GPR107: variants seen among roughly 807,000 people sequenced by gnomAD.
GPR107 encodes the protein protein GPR107.
GPR107 carries 31 observed loss-of-function variants against 75.5 expected under a neutral mutation model. The ratio of observed to expected loss-of-function variants is 0.41; its 90% confidence interval spans 0.31 to 0.55. GPR107 has a LOEUF of 0.55. GPR107 is among the 20% of genes least tolerant of loss of function. The probability of loss-of-function intolerance (pLI) is 0.26; values close to 1 mark genes in which losing one functional copy is unlikely to be tolerated. For synonymous variants in GPR107, 267 were observed against 251.3 expected, an observed-to-expected ratio of 1.06 and a Z score of -0.59; for missense variants, 572 against 665.7, an observed-to-expected ratio of 0.86 and a Z score of 1.55.
intron 14 of GPR107, among the ~76,000 whole-genome samples, chr9:130,111,095 G>A (rs941476549): frequency 7.2e-5 from 11 of 151,968 alleles, no homozygotes; most frequent in East Asian, 1.9e-4. Context: ...TCAAGCCATC[G>A]TCCTGCCTCA....
At chr9:130,131,037 T>C (rs1277311272) in intron 17 of GPR107, among the ~76,000 whole-genome samples, 3 of 152,180 alleles carry the variant, frequency 2.0e-5, no homozygotes, top group African/African-American at 7.2e-5. Context: ...ACTGTTTAGA[T>C]GTCAAGGAAA....
intron 14 of GPR107, among the ~76,000 whole-genome samples, chr9:130,121,922 G>A (rs1407017676): frequency 1.3e-5 from 2 of 151,100 alleles, no homozygotes; most frequent in African/African-American, 2.4e-5. Flanking sequence ...GTGGAGTCTC[G>A]CTCTGTCACC....
intron 1 of GPR107, among the ~76,000 whole-genome samples, chr9:130,058,043 A>G (rs1829835962): frequency 1.3e-5 from 2 of 151,962 alleles, no homozygotes; most frequent in Non-Finnish European, 2.9e-5. Context: ...TGATCAGGCT[A>G]GTCTTGAACT....
intron 15 of GPR107, among the ~76,000 whole-genome samples, chr9:130,125,665 G>A (rs1384486848): frequency 1.4e-5 from 2 of 141,116 alleles, no homozygotes; most frequent in East Asian, 2.1e-4. Context: ...GCAGTAGTGC[G>A]ATCCCGGCCA....
chr9:130,121,731 G>T (rs1589527643), intron 14 of GPR107, among the ~76,000 whole-genome samples: 1 of 152,134 alleles, frequency 6.6e-6, no homozygotes, highest in Non-Finnish European at 1.5e-5. Flanking sequence ...CCCTGGTCTG[G>T]CTTGGGAGCC....
At position 130,086,313 on chromosome 9, in the gene GPR107, C is replaced by A. The variant is rs1469214979; in HGVS notation, c.565-107C>A. On this transcript the variant is annotated intron_variant, in intron 6 of 17. Coordinates refer to ENST00000347136, the MANE Select transcript of GPR107 (RefSeq NM_020960.5). ...TTCAGAGAGCTTTTTTGAAGGTCAG[C>A]AAATTTAGAGTTTAAGAAACATGTT... 1.1e-4 allele frequency: 74 copies of A among 700,164 alleles called. No individual in the cohort carries two copies. In the East Asian group the frequency reaches 1.8e-3, roughly 17 times the overall value. The allele number at this position is 700,164 out of a possible 1,614,324, so 43.4% of individuals were successfully genotyped here.
At chr9:130,061,092 GT>G (rs1554889744) in intron 1 of GPR107, among the ~76,000 whole-genome samples, 4 of 152,152 alleles carry the variant, frequency 2.6e-5, no homozygotes, top group Non-Finnish European at 5.9e-5. Flanking sequence ...CATGCCTTCT[GT>G]CTCTTACTCA....
chr9:130,115,926 A>G (rs1165599515), intron 14 of GPR107, among the ~76,000 whole-genome samples: 1 of 152,260 alleles, frequency 6.6e-6, no homozygotes, highest in East Asian at 1.9e-4. Context: ...TATTAAGCTG[A>G]TTTAATACAG....
chr9:130,076,801 C>T (rs1211798978), intron 3 of GPR107, among the ~76,000 whole-genome samples: 1 of 152,142 alleles, frequency 6.6e-6, no homozygotes, highest in Non-Finnish European at 1.5e-5. Context: ...GCGTGAGCAC[C>T]ACGCCTGGCC....
In GPR107 at chr9:130,112,047, C is replaced by T. The variant is rs1180633872; in HGVS notation, c.1306+4508C>T. On this transcript the variant is annotated intron_variant, in intron 14 of 17. Coordinates refer to ENST00000347136, the MANE Select transcript of GPR107 (RefSeq NM_020960.5). This position sits in a 1 kb window ranked among gnomAD's most constrained non-coding sequence, Gnocchi z 4.0. The stretch of plus-strand genomic sequence containing the variant: ...TGAGCCCGCATCCGCGTTCCCTTCT[C>T]TTTCTCCAGTGTCATTACCTTATAG... Among the ~76,000 whole-genome samples, 1 of 152,240 alleles carries T rather than the reference C, an allele frequency of 6.6e-6. No individual in the cohort carries two copies. The highest frequency in any genetic ancestry group is 1.5e-5 in the Non-Finnish European group (1 of 68,040).
intron 4 of GPR107, among the ~76,000 whole-genome samples, chr9:130,078,844 C>G (rs1830421613): frequency 1.3e-5 from 2 of 152,186 alleles, no homozygotes; most frequent in African/African-American, 4.8e-5. Context: ...ACTGGCCCCT[C>G]CTGGGTGGGA....
At chr9:130,074,972 A>G (rs1267476259) in intron 1 of GPR107, among the ~76,000 whole-genome samples, 1 of 151,086 alleles carries the variant, frequency 6.6e-6, no homozygotes, top group African/African-American at 2.4e-5. Context: ...GGGGATGACG[A>G]TAACATGGTT....
intron 14 of GPR107, among the ~76,000 whole-genome samples, chr9:130,121,888 A>T (rs1386280599): frequency 6.7e-6 from 1 of 148,252 alleles, no homozygotes; most frequent in Non-Finnish European, 1.5e-5. Context: ...ATTTATTTTT[A>T]TTTTATTTTC....
intron 17 of GPR107, among the ~76,000 whole-genome samples, chr9:130,134,316 T>G (rs1831899847): frequency 6.6e-6 from 1 of 152,224 alleles, no homozygotes; most frequent in South Asian, 2.1e-4. Context: ...GCTGCCTTGC[T>G]CAGCTCCTCA....
At chr9:130,079,180 C>A (rs996258192) in intron 4 of GPR107, among the ~76,000 whole-genome samples, 1 of 152,152 alleles carries the variant, frequency 6.6e-6, no homozygotes, top group African/African-American at 2.4e-5. Context: ...CCAGGCTGTT[C>A]CTGAATTCCT....
At position 130,054,160 on chromosome 9, in the gene GPR107, G is replaced by T. The variant is rs561534678; in HGVS notation, c.141+87G>T. On this transcript the variant is annotated intron_variant, in intron 1 of 17. Coordinates refer to ENST00000347136, the MANE Select transcript of GPR107 (RefSeq NM_020960.5). ...CAACTTTGGCCCATTGGGGACCTCTGAGCCACTGGACCACCTCTTTGCCCC... is the reference window on the plus strand; with the variant it reads ...CAACTTTGGCCCATTGGGGACCTCTTAGCCACTGGACCACCTCTTTGCCCC... 4.9e-5 allele frequency: 61 copies of T among 1,246,998 alleles called. No homozygotes were observed. The East Asian group carries it at 1.6e-3, about 33-fold the overall frequency. The allele number at this position is 1,246,998 out of a possible 1,614,324, so 77.2% of individuals were successfully genotyped here. A position where few individuals can be genotyped will look rare whatever the true frequency, so the allele number is the denominator to read the frequency against.
intron 14 of GPR107, among the ~76,000 whole-genome samples, chr9:130,114,029 C>CTTTTTTTTTTTTTTTTTTTTATTT (rs60616601): frequency 3.3e-5 from 3 of 90,660 alleles, no homozygotes; most frequent in East Asian, 3.1e-4. Context: ...TCTTCTCATT[C>CTTTTTTTTTTTTTTTTTTTTATTT]TTTTTTTTTT....
intron 16 of GPR107, 137 bp downstream of exon 16, chr9:130,127,703 A>ATT: frequency 3.7e-6 from 2 of 540,676 alleles, no homozygotes; most frequent in Non-Finnish European, 6.5e-6. Context: ...TTAACTAAAA[A>ATT]TTTTTTTTTT....
chr9:130,122,112 C>T (rs1030390170), intron 14 of GPR107, among the ~76,000 whole-genome samples: 3 of 152,066 alleles, frequency 2.0e-5, no homozygotes, highest in African/African-American at 4.8e-5. Flanking sequence ...AGGATGGTCT[C>T]GATCTCCTGA....
Sources: gnomAD v4.1 joint callset for allele counts (sites outside exome capture counted in the v4.1 genomes callset) on GRCh38, gnomAD v4.1.1 for gene constraint, Gnocchi (gnomAD v3.1) non-coding constraint, MANE v1.5 for transcripts, NCBI Gene and HGNC (gene_info 2026-07-23, HGNC 2026-07-21) for gene names.